The following ZNF48 variants were observed in gnomAD, a reference collection of about 807,000 sequenced individuals.
ZNF48 encodes zinc finger protein 553.
ZNF48 carries 20 observed loss-of-function variants against 40.0 expected under a neutral mutation model. The ratio of observed to expected loss-of-function variants is 0.50; its 90% CI spans 0.35 to 0.73. The LOEUF is 0.73. ZNF48 is among the 30% of genes least tolerant of loss of function. The probability of loss-of-function intolerance (pLI) is 0.01; values close to 1 mark genes in which losing one functional copy is unlikely to be tolerated. For synonymous variants in ZNF48, 298 were observed against 329.7 expected (o/e 0.90, Z 1.04); for missense variants, 726 against 851.9 (o/e 0.85, Z 1.84).
Position 30,382,963 on chromosome 16 carries a change from A to G in ZNF48, c.-16+4553A>G, listed in dbSNP as rs2049870809. On this transcript the variant is annotated intron_variant, in intron 1 of 2. Coordinates refer to the ZNF48 transcript ENST00000528032. This position sits in a 1 kb window ranked among gnomAD's most constrained non-coding sequence, Gnocchi z 4.8. The stretch of plus-strand genomic sequence containing the variant: ...CGGAGGAGGGAGGACAGCTTGAGCC[A>G]AGGAGTTCCAGACCAGCCTGGGCAA... The G allele has an allele frequency of 1.5e-6, 1 of 648,678 alleles. No individual in the cohort carries two copies. The highest frequency in any genetic ancestry group is 2.8e-6 in the Non-Finnish European group (1 of 359,948). The allele number at this position is 648,678 out of a possible 1,614,324, so 40.2% of individuals were successfully genotyped here.
chr16:30,390,915 C>T (rs1346780717), upstream of ZNF48, among the ~76,000 whole-genome samples: 7 of 151,472 alleles, frequency 4.6e-5, no homozygotes, highest in South Asian at 2.1e-4. Flanking sequence ...TGAGCCACCG[C>T]GCCTGGCCAG....
At chr16:30,391,681 G>A (rs989036191), upstream of ZNF48, among the ~76,000 whole-genome samples, 20 of 151,110 alleles carry the variant, frequency 1.3e-4, no homozygotes, top group African/African-American at 3.9e-4. Context: ...TTTTTTAGTA[G>A]AGATGGGGTT....
chr16:30,393,525 C>G (rs1399263946), upstream of ZNF48, among the ~76,000 whole-genome samples: 1 of 151,890 alleles, frequency 6.6e-6, no homozygotes. Flanking sequence ...GCTGGGATTA[C>G]AGGCCCGTGC....
In ZNF48 at chr16:30,397,697, T is replaced by C. The variant is rs2050000756; in HGVS notation, c.447T>C (p.Phe149=). The C allele has an allele frequency of 1.2e-6, 2 of 1,613,562 alleles. No individual in the cohort carries two copies. The highest frequency in any genetic ancestry group is 3.3e-4 in the Middle Eastern group (2 of 6,082). The change falls in exon 3 of 3, where the codon TTT becomes TTC. Residue 149 remains phenylalanine (F), a synonymous_variant. Coordinates refer to ENST00000613509, the MANE Select transcript of ZNF48 (RefSeq NM_001214909.2). The surrounding 1 kb of genome is among the most constrained non-coding windows in gnomAD (Gnocchi z 4.1). ...PYKCGVCGKG[F]GDSSARIKHQ... is the part of the protein sequence containing the mutation. ...AGTGTGGGGTCTGTGGCAAGGGCTT[T>C]GGGGATAGCTCTGCCCGGATCAAAC...
At chr16:30,378,440 G>A (rs1489794410) in intron 1 of ZNF48, 3 of 1,570,858 alleles carry the variant, frequency 1.9e-6, no homozygotes, top group Admixed American at 2.0e-5. Flanking sequence ...GGCCTCAGAG[G>A]GCGTCTGACT....
At chr16:30,396,148 C>G (rs2049982998) in intron 2 of ZNF48, among the ~76,000 whole-genome samples, 1 of 152,190 alleles carries the variant, frequency 6.6e-6, no homozygotes, top group Non-Finnish European at 1.5e-5. Context: ...GTAGCCTCCT[C>G]TCTGCCCCTT....
intron 1 of ZNF48, chr16:30,379,097 C>A: frequency 6.2e-7 from 1 of 1,614,096 alleles, no homozygotes; most frequent in South Asian, 1.1e-5. Flanking sequence ...TAGAGCAGAT[C>A]GTGCGTCACC....
Position 30,398,881 on chromosome 16 carries a change from T to G in ZNF48, c.1631T>G (p.Val544Gly). ...CCTTCTGGACCCAGCCAGCCCCACGTGTGTGGCTTCTGTGGGAAGGAGTTC... is the reference window on the plus strand; with the variant it reads ...CCTTCTGGACCCAGCCAGCCCCACGGGTGTGGCTTCTGTGGGAAGGAGTTC... ...AQPSGPSQPH[V>G]CGFCGKEFPR... Residue 544 changes from valine (V) to glycine (G), a missense_variant, in exon 3 of 3, where the codon GTG (valine) becomes GGG (glycine). Transcript: ENST00000613509. This position sits in a 1 kb window ranked among gnomAD's most constrained non-coding sequence, Gnocchi z 6.6. 1 of 1,613,944 alleles carries G rather than the reference T, an allele frequency of 6.2e-7. No individual in the cohort carries two copies. The highest frequency in any genetic ancestry group is 8.5e-7 in the Non-Finnish European group (1 of 1,179,948).
intron 1 of ZNF48, among the ~76,000 whole-genome samples, chr16:30,389,284 G>A (rs927017129): frequency 6.6e-6 from 1 of 151,608 alleles, no homozygotes; most frequent in Non-Finnish European, 1.5e-5. Flanking sequence ...CCAGCTACTC[G>A]GGAGGCTGAG....
chr16:30,391,464 AG>A (rs2151115640), upstream of ZNF48, among the ~76,000 whole-genome samples: 2 of 151,292 alleles, frequency 1.3e-5, no homozygotes, highest in African/African-American at 4.8e-5. Flanking sequence ...CTGGGATTAC[AG>A]GCGTGAGCCA....
chr16:30,380,045 CAGAT>C (rs2049823500), intron 1 of ZNF48: 1 of 1,605,326 alleles, frequency 6.2e-7, no homozygotes, highest in Admixed American at 1.7e-5. Context: ...TCAGGGGAAA[CAGAT>C]ATAGAGACAG....
upstream of ZNF48, among the ~76,000 whole-genome samples, chr16:30,390,647 A>G (rs1597015626): frequency 6.7e-4 from 34 of 50,634 alleles, no homozygotes; most frequent in East Asian, 3.2e-3. Flanking sequence ...TTTGAGATGG[A>G]GTTTTCTCTG....
In ZNF48 at chr16:30,398,850, G is replaced by A. The variant is rs1312175529; in HGVS notation, c.1600G>A (p.Ala534Thr). 6.2e-7 allele frequency: 1 copy of A among 1,613,826 alleles called. No homozygotes were observed. Among genetic ancestry groups the A allele is most frequent in the Admixed American group, 1.7e-5 (1 of 60,014 alleles). The part of the protein sequence containing the change: ...VPMAPRPRVR[A>T]QPSGPSQPHV... ...CATGGCCCCTCGACCCCGAGTTCGGGCCCAGCCTTCTGGACCCAGCCAGCC... is the reference window on the plus strand; with the variant it reads ...CATGGCCCCTCGACCCCGAGTTCGGACCCAGCCTTCTGGACCCAGCCAGCC... The change falls in exon 3 of 3, where the codon GCC becomes ACC. Residue 534 changes from alanine (A) to threonine (T), a missense_variant. Ala to Thr is a moderately conservative substitution (Grantham distance 58, BLOSUM62 0). Around this residue, in one of 5 missense-constraint regions of ZNF48, gnomAD observed 166 missense variants for 163.6 expected, o/e 1.01. Coordinates refer to ENST00000613509, the MANE Select transcript of ZNF48 (RefSeq NM_001214909.2). The surrounding 1 kb of genome is among the most constrained non-coding windows in gnomAD (Gnocchi z 6.6).
At chr16:30,379,832 C>G in intron 1 of ZNF48, 1 of 718,480 alleles carries the variant, frequency 1.4e-6, no homozygotes, top group Non-Finnish European at 2.4e-6. Flanking sequence ...GTCTGGAACT[C>G]CTGACCTCAG....
upstream of ZNF48, among the ~76,000 whole-genome samples, chr16:30,391,996 C>T (rs186549284): frequency 6.6e-5 from 10 of 152,210 alleles, no homozygotes; most frequent in East Asian, 1.7e-3. Context: ...CACCACCACT[C>T]CCAGCTAACT....
chr16:30,386,939 C>CTTTT (rs1173887858), intron 1 of ZNF48, among the ~76,000 whole-genome samples: 11 of 107,616 alleles, frequency 1.0e-4, no homozygotes, highest in African/African-American at 1.4e-4. Flanking sequence ...TGCACCTGGC[C>CTTTT]TTTTTTTTTT....
chr16:30,384,454 G>A (rs1008062315), intron 1 of ZNF48, among the ~76,000 whole-genome samples: 2 of 152,168 alleles, frequency 1.3e-5, no homozygotes, highest in Non-Finnish European at 2.9e-5. Flanking sequence ...AACCCAGGAG[G>A]TGGAGGTTGC....
At chr16:30,379,881 AC>A in intron 1 of ZNF48, 1 of 994,052 alleles carries the variant, frequency 1.0e-6, no homozygotes, top group Non-Finnish European at 1.6e-6. Context: ...TGCTGGGATT[AC>A]AGACGTGAGC....
At chr16:30,379,498 C>T (rs978544981) in intron 1 of ZNF48, 4 of 1,613,902 alleles carry the variant, frequency 2.5e-6, no homozygotes. Flanking sequence ...TCCCTCACCA[C>T]CTCGCATGAT....
Sources: gnomAD v4.1 joint callset for allele counts (sites outside exome capture counted in the v4.1 genomes callset) on GRCh38, gnomAD v4.1.1 for gene constraint, gnomAD v4.1.1 regional missense constraint, Gnocchi (gnomAD v3.1) non-coding constraint, MANE v1.5 for transcripts, NCBI Gene and HGNC (gene_info 2026-07-23, HGNC 2026-07-21) for gene names.